The following TRDN variants were observed in gnomAD, a reference collection of about 807,000 sequenced individuals.
The protein encoded by TRDN is triadin, also known as triadin in skeletal muscle.
Under a neutral mutation model 149.7 loss-of-function variants are expected in TRDN, and 161 were observed. That is an observed-to-expected ratio of 1.08 (90% CI 0.95 to 1.23). The LOEUF (loss-of-function observed/expected upper bound fraction) is 1.23, where lower values mean the gene tolerates loss of function less well. Among genes scored for constraint, TRDN ranks in the 50% most tolerant of loss-of-function variants. TRDN has a pLI of 0.00. For missense variants in TRDN, 896 were observed against 823.5 expected, an observed-to-expected ratio of 1.09 and a Z score of -1.08; for synonymous variants, 294 against 250.5, an observed-to-expected ratio of 1.17 and a Z score of -1.64.
At chr6:123,266,235 A>ATATATTATAATATGTATTATATAT (rs1776960128) in intron 32 of TRDN, among the ~76,000 whole-genome samples, 2 of 34,154 alleles carry the variant, frequency 5.9e-5, no homozygotes, top group African/African-American at 3.3e-4. Flanking sequence ...ATTATATATT[A>ATATATTATAATATGTATTATATAT]TATATATTAT....
At chr6:123,501,598 A>T in intron 8 of TRDN, among the ~76,000 whole-genome samples, 1 of 152,226 alleles carries the variant, frequency 6.6e-6, no homozygotes, top group Non-Finnish European at 1.5e-5. Flanking sequence ...TGACATATTT[A>T]TATGTCTGAT....
chr6:123,327,639 C>A (rs188597466), intron 23 of TRDN, among the ~76,000 whole-genome samples: 35 of 152,156 alleles, frequency 2.3e-4, no homozygotes, highest in African/African-American at 8.2e-4. Context: ...TTATTCATCA[C>A]TTATGTTTAG....
chr6:123,634,446 A>C (rs1047494371), intron 1 of TRDN, among the ~76,000 whole-genome samples: 35 of 151,982 alleles, frequency 2.3e-4, no homozygotes, highest in African/African-American at 8.2e-4. Flanking sequence ...GCTCTAAAAA[A>C]AATAAAATAA....
intron 9 of TRDN, among the ~76,000 whole-genome samples, chr6:123,468,615 A>T (rs1459252115): frequency 1.6e-4 from 24 of 152,188 alleles, no homozygotes; most frequent in Non-Finnish European, 1.5e-5. Context: ...TTGTCAAGGT[A>T]GGAGGCTATG....
intron 1 of TRDN, among the ~76,000 whole-genome samples, chr6:123,634,886 T>C (rs1260521393): frequency 6.6e-6 from 1 of 151,996 alleles, no homozygotes; most frequent in Non-Finnish European, 1.5e-5. Flanking sequence ...TTATTACTAA[T>C]GTAATTATTT....
At chr6:123,463,690 T>A (rs1268868253) in intron 10 of TRDN, among the ~76,000 whole-genome samples, 3 of 152,062 alleles carry the variant, frequency 2.0e-5, no homozygotes, top group African/African-American at 7.2e-5. Flanking sequence ...GATAGTTTTG[T>A]GTCAAATTCT....
chr6:123,529,784 C>T (rs1273776943), intron 5 of TRDN, among the ~76,000 whole-genome samples: 2 of 151,992 alleles, frequency 1.3e-5, no homozygotes, highest in African/African-American at 4.8e-5. Context: ...CATTCAAAAT[C>T]ATGTGAAACT....
intron 21 of TRDN, chr6:123,350,868 A>G (rs1172698543): frequency 1.0e-6 from 1 of 983,468 alleles, no homozygotes; most frequent in Non-Finnish European, 1.2e-6. Context: ...ATTTTAGTAA[A>G]CAAAATTATA....
chr6:123,351,809 T>A (rs1780472082), intron 21 of TRDN: 1 of 916,926 alleles, frequency 1.1e-6, no homozygotes, highest in Admixed American at 6.2e-5. Context: ...AAATATAGTA[T>A]TATTATATAA....
chr6:123,417,547 G>A (rs1459032376), intron 12 of TRDN, among the ~76,000 whole-genome samples: 2 of 152,128 alleles, frequency 1.3e-5, no homozygotes, highest in Admixed American at 6.6e-5. Context: ...TTTATAAAGC[G>A]AAATCACAAA....
intron 14 of TRDN, 85 bp downstream of exon 14, chr6:123,388,436 TA>T: frequency 7.0e-7 from 1 of 1,429,256 alleles, no homozygotes; most frequent in South Asian, 1.2e-5. Context: ...AAGGGGAATA[TA>T]GACAGAATAG....
intron 33 of TRDN, among the ~76,000 whole-genome samples, chr6:123,264,461 TGAGAA>T (rs1266534856): frequency 6.6e-6 from 1 of 152,044 alleles, no homozygotes; most frequent in Non-Finnish European, 1.5e-5. Flanking sequence ...TTCTCATGGA[TGAGAA>T]AAGAAAGTGG....
At chr6:123,619,314 T>G (rs1348912886) in intron 1 of TRDN, among the ~76,000 whole-genome samples, 2 of 152,172 alleles carry the variant, frequency 1.3e-5, no homozygotes, top group African/African-American at 2.4e-5. Flanking sequence ...GTGGCTCTAC[T>G]GGGGACTAGA....
chr6:123,352,480 C>T (rs753086478), intron 21 of TRDN, 59 bp downstream of exon 21: 7 of 1,598,260 alleles, frequency 4.4e-6, no homozygotes, highest in Non-Finnish European at 6.0e-6. Flanking sequence ...CAGTGCTTTC[C>T]TCCGCATGTT....
At chr6:123,390,241 A>G (rs533759300) in intron 13 of TRDN, among the ~76,000 whole-genome samples, 1 of 152,298 alleles carries the variant, frequency 6.6e-6, no homozygotes, top group African/African-American at 2.4e-5. Flanking sequence ...ACATTTAGCA[A>G]AACTGTAGTT....
intron 5 of TRDN, among the ~76,000 whole-genome samples, chr6:123,524,713 C>A (rs1242147216): frequency 6.6e-6 from 1 of 152,070 alleles, no homozygotes; most frequent in African/African-American, 2.4e-5. Flanking sequence ...AGTAGTTATT[C>A]TGATTTGTTC....
intron 10 of TRDN, among the ~76,000 whole-genome samples, chr6:123,442,537 C>G (rs530365767): frequency 1.1e-5 from 1 of 94,922 alleles, no homozygotes; most frequent in African/African-American, 6.1e-5. Context: ...CAGAGCGAGA[C>G]TCCGTCTCAA....
intron 24 of TRDN, among the ~76,000 whole-genome samples, chr6:123,299,664 T>C (rs1319828676): frequency 1.3e-5 from 2 of 152,032 alleles, no homozygotes; most frequent in Admixed American, 6.6e-5. Context: ...CAATGTGAAG[T>C]ACTTCATGAT....
chr6:123,486,776 C>A (rs1004172385), intron 9 of TRDN, among the ~76,000 whole-genome samples: 1 of 151,936 alleles, frequency 6.6e-6, no homozygotes, highest in African/African-American at 2.4e-5. Context: ...AGGTACCATA[C>A]ATATTTTGTT....
Sources: allele counts gnomAD v4.1 joint callset (sites outside exome capture counted in the v4.1 genomes callset), GRCh38; gene constraint gnomAD v4.1.1; transcripts MANE v1.5; gene names NCBI Gene and HGNC (gene_info 2026-07-23, HGNC 2026-07-21).